Variants in PBRM1 observed in about 807,000 individuals in gnomAD.
The protein encoded by PBRM1 is polybromo 1, also known as protein polybromo-1.
Under a neutral mutation model 194.5 loss-of-function variants are expected in PBRM1, and 27 were observed. That is an observed-to-expected ratio of 0.14 (90% CI 0.10 to 0.19). PBRM1 has a LOEUF of 0.19. Ranked by LOEUF, PBRM1 falls within the 10% of genes least tolerant of loss-of-function variation. The pLI, the probability that PBRM1 is intolerant of heterozygous loss-of-function variation, is 1.00. For synonymous variants in PBRM1, 655 were observed against 693.2 expected (o/e 0.94, Z 0.87); for missense variants, 1,466 against 2,077.2 (o/e 0.71, Z 5.72).
intron 1 of PBRM1, among the ~76,000 whole-genome samples, chr3:52,685,195 TATA>T (rs746949353): frequency 2.6e-5 from 4 of 152,286 alleles, no homozygotes; most frequent in Admixed American, 6.5e-5. Flanking sequence ...TAAAACTTAT[TATA>T]ATAACAAAAC....
intron 17 of PBRM1, among the ~76,000 whole-genome samples, chr3:52,600,972 G>A (rs1490448602): frequency 3.9e-5 from 6 of 152,146 alleles, no homozygotes; most frequent in African/African-American, 1.2e-4. Flanking sequence ...TATTGCTAGA[G>A]AATTACTGGG....
chr3:52,558,059 G>C (rs2082591501), intron 26 of PBRM1, among the ~76,000 whole-genome samples, 190 bp downstream of exon 28: 1 of 152,188 alleles, frequency 6.6e-6, no homozygotes, highest in Admixed American at 6.5e-5. Flanking sequence ...GTTGGGCCCA[G>C]GGCCCATTTC....
At chr3:52,546,080 G>A (rs2079642950), downstream of PBRM1, 1 of 233,032 alleles carries the variant, frequency 4.3e-6, no homozygotes, top group Non-Finnish European at 8.5e-6. Context: ...CACTGGGAAG[G>A]AGCCTGGAGG....
At chr3:52,605,903 T>C (rs1472890302) in intron 16 of PBRM1, among the ~76,000 whole-genome samples, 1 of 149,066 alleles carries the variant, frequency 6.7e-6, no homozygotes, top group East Asian at 2.0e-4. Flanking sequence ...GTGTCCGGCC[T>C]TGGAAAGGTT....
intron 21 of PBRM1, 76 bp from the exon 24 acceptor site, chr3:52,576,774 A>G: frequency 8.7e-6 from 10 of 1,146,498 alleles, no homozygotes; most frequent in Non-Finnish European, 1.2e-5. Flanking sequence ...AATCGCATTA[A>G]CCAAAAACTT....
intron 3 of PBRM1, 150 bp from the exon 5 acceptor site, chr3:52,662,426 C>T (rs2096743063): frequency 3.3e-6 from 2 of 614,372 alleles, no homozygotes; most frequent in Non-Finnish European, 5.6e-6. Context: ...CCAAATCCCG[C>T]TTCCAAAAAA....
Position 52,603,744 on chromosome 3 carries a change from T to A in PBRM1, c.2568-12A>T. ...TTTCTGAATCTGTCCTATAACAGCA[T>A]CAAGAGTATCCATTGACATACAAGC... On this transcript the variant is annotated splice_polypyrimidine_tract_variant and intron_variant, in intron 16 of 29. Transcript: ENST00000296302. 6.3e-7 allele frequency: 1 copy of A among 1,596,866 alleles called. No homozygotes were observed. The highest frequency in any genetic ancestry group is 8.5e-7 in the Non-Finnish European group (1 of 1,169,884).
At chr3:52,600,889 G>A (rs2093944386) in intron 17 of PBRM1, among the ~76,000 whole-genome samples, 1 of 152,128 alleles carries the variant, frequency 6.6e-6, no homozygotes, top group African/African-American at 2.4e-5. Flanking sequence ...TGCTGGCCTT[G>A]GTCTCCCAAA....
chr3:52,593,079 C>A (rs572998623), intron 17 of PBRM1, among the ~76,000 whole-genome samples: 2 of 152,086 alleles, frequency 1.3e-5, no homozygotes, highest in Non-Finnish European at 2.9e-5. Context: ...GTCCATCTTA[C>A]CAACTTTTTC....
chr3:52,657,921 A>G (rs1389847378), intron 5 of PBRM1, among the ~76,000 whole-genome samples: 1 of 151,922 alleles, frequency 6.6e-6, no homozygotes, highest in African/African-American at 2.4e-5. Context: ...CCTCCCGAGT[A>G]GCTGGGATTA....
intron 11 of PBRM1, among the ~76,000 whole-genome samples, chr3:52,632,788 G>A (rs1037378531): frequency 6.6e-6 from 1 of 151,190 alleles, no homozygotes; most frequent in African/African-American, 2.4e-5. Flanking sequence ...CCACCTTCCC[G>A]GTTCAAGCAA....
intron 5 of PBRM1, among the ~76,000 whole-genome samples, chr3:52,654,378 G>A (rs944005827): frequency 6.6e-6 from 1 of 152,164 alleles, no homozygotes; most frequent in Non-Finnish European, 1.5e-5. Flanking sequence ...CTGAGAGAAA[G>A]TTCAGAGGAC....
At chr3:52,614,205 C>T (rs2094814919) in intron 15 of PBRM1, among the ~76,000 whole-genome samples, 1 of 151,834 alleles carries the variant, frequency 6.6e-6, no homozygotes, top group South Asian at 2.1e-4. Context: ...GAAACCCCAT[C>T]TCTACTAAAA....
chr3:52,665,100 A>G (rs2096804493), intron 3 of PBRM1, among the ~76,000 whole-genome samples: 1 of 152,234 alleles, frequency 6.6e-6, no homozygotes, highest in Admixed American at 6.5e-5. Context: ...GCAAAATGGA[A>G]TGAAGAATAA....
chr3:52,634,853 G>A (rs748782403), intron 10 of PBRM1, 38 bp from the exon 12 acceptor site: 1 of 1,394,024 alleles, frequency 7.2e-7, no homozygotes, highest in Non-Finnish European at 1.0e-6. Flanking sequence ...AGGGACGAAT[G>A]AGATGAAGAA....
At chr3:52,643,182 C>CA in intron 9 of PBRM1, 66 bp downstream of exon 10, 2 of 1,114,112 alleles carry the variant, frequency 1.8e-6, no homozygotes. Flanking sequence ...AGCCATTGGG[C>CA]AAATACTAGT....
At chr3:52,675,222 T>TA (rs1237507184) in intron 2 of PBRM1, among the ~76,000 whole-genome samples, 2 of 152,028 alleles carry the variant, frequency 1.3e-5, no homozygotes, top group African/African-American at 2.4e-5. Flanking sequence ...GAATCAGTAA[T>TA]AAAAAATCTC....
chr3:52,570,761 C>T (rs1396124856), intron 22 of PBRM1, among the ~76,000 whole-genome samples: 2 of 152,178 alleles, frequency 1.3e-5, no homozygotes, highest in Non-Finnish European at 2.9e-5. Context: ...ATTGAATTTT[C>T]CAGCTATAAA....
chr3:52,625,014 C>T (rs114944001), intron 13 of PBRM1, 73 bp from the exon 15 acceptor site: 1 of 987,522 alleles, frequency 1.0e-6, no homozygotes, highest in Non-Finnish European at 1.6e-6. Context: ...ATGTACAAAC[C>T]ATGTATGGTT....
Sources: gnomAD v4.1 joint callset for allele counts (sites outside exome capture counted in the v4.1 genomes callset) on GRCh38, gnomAD v4.1.1 for gene constraint, MANE v1.5 for transcripts, NCBI Gene and HGNC (gene_info 2026-07-23, HGNC 2026-07-21) for gene names.